The following TYW1B variants were observed in gnomAD, a reference collection of about 807,000 sequenced individuals.
TYW1B encodes the protein S-adenosyl-L-methionine-dependent tRNA 4-demethylwyosine synthase TYW1B.
TYW1B carries 73 observed loss-of-function variants against 86.9 expected under a neutral mutation model. The observed-to-expected ratio is 0.84, with a 90% CI of 0.70 to 1.02. TYW1B has a LOEUF of 1.02. Among genes scored for constraint, TYW1B ranks in the 50% least tolerant of loss-of-function variants. The probability of loss-of-function intolerance (pLI) is 0.00; values close to 1 mark genes in which losing one functional copy is unlikely to be tolerated. For missense variants in TYW1B, 637 were observed against 827.4 expected (o/e 0.77, Z 2.82); for synonymous variants, 248 against 292.8 (o/e 0.85, Z 1.56).
At chr7:72,818,152 T>C (rs1788759713) in intron 2 of TYW1B, among the ~76,000 whole-genome samples, 1 of 151,540 alleles carries the variant, frequency 6.6e-6, no homozygotes. Context: ...TATTCCTCCA[T>C]GGGTGGAAGC....
rs868984076 is a variant in TYW1B, at chr7:72,633,954, G to C, written c.1507-4957C>G. Reference sequence around the variant, plus strand: ...ATTCTTTTGTGTCTGGCTTCTTTCAGTGAATTCGATGTTTGCAAGATTCAT... The same window carrying C: ...ATTCTTTTGTGTCTGGCTTCTTTCACTGAATTCGATGTTTGCAAGATTCAT... On this transcript the variant is annotated intron_variant, in intron 11 of 13. Transcript: ENST00000620995. Among the ~76,000 whole-genome samples the C allele has an allele frequency of 5.3e-5, 8 of 151,990 alleles. No individual in the cohort carries two copies. The East Asian group carries it at 9.6e-4, about 18-fold the overall frequency.
At chr7:72,652,592 A>G (rs1246026345) in intron 11 of TYW1B, among the ~76,000 whole-genome samples, 3 of 152,052 alleles carry the variant, frequency 2.0e-5, no homozygotes, top group Non-Finnish European at 4.4e-5. Context: ...AGAAACAGGA[A>G]AAATGCCTTT....
intron 13 of TYW1B, among the ~76,000 whole-genome samples, chr7:72,594,372 T>C (rs1278147410): frequency 2.0e-5 from 3 of 146,912 alleles, no homozygotes; most frequent in Non-Finnish European, 4.5e-5. Context: ...GAGTGTACTA[T>C]AAACAATGGT....
intron 13 of TYW1B, among the ~76,000 whole-genome samples, chr7:72,607,193 G>A (rs1811820229): frequency 6.6e-6 from 1 of 151,996 alleles, no homozygotes; most frequent in South Asian, 2.1e-4. Flanking sequence ...AAGAGTTCAA[G>A]ACCAGCCTGG....
chr7:72,760,008 C>T (rs1787660358), intron 7 of TYW1B, among the ~76,000 whole-genome samples: 1 of 151,694 alleles, frequency 6.6e-6, no homozygotes. Flanking sequence ...CCAGCATATA[C>T]ACACAAAAAA....
At position 72,684,379 on chromosome 7, in the gene TYW1B, A is replaced by G. The variant is rs569763018; in HGVS notation, c.1506+10308T>C. Among the ~76,000 whole-genome samples the G allele has an allele frequency of 7.9e-5, 12 of 152,304 alleles. No homozygotes were observed. In the East Asian group the frequency reaches 2.3e-3, roughly 29 times the overall value. On this transcript the variant is annotated intron_variant, in intron 11 of 13. Coordinates refer to ENST00000620995, the MANE Select transcript of TYW1B (RefSeq NM_001145440.3). ...TATAGAAAAGGAAAGAATGATTTCA[A>G]CTTCTACCCAGAAACCATGCAAGCA...
At position 72,609,928 on chromosome 7, in the gene TYW1B, T is replaced by C. The variant is rs185676444; in HGVS notation, c.1785+6744A>G. On this transcript the variant is annotated intron_variant, in intron 13 of 13. Coordinates refer to ENST00000620995, the MANE Select transcript of TYW1B (RefSeq NM_001145440.3). ...GGTTTCTGTATTATTTCCTCATGGC[T>C]GTGGTTCCCAAGCAGTGGGAACAGA... 2.2e-3 allele frequency among the ~76,000 whole-genome samples: 336 copies of C among 152,302 alleles called. 3 individuals carry two copies. Among genetic ancestry groups the C allele is most frequent in the African/African-American group, 7.5e-3 (310 of 41,566 alleles).
At chr7:72,778,108 C>T (rs192932574) in intron 6 of TYW1B, among the ~76,000 whole-genome samples, 1 of 152,236 alleles carries the variant, frequency 6.6e-6, no homozygotes, top group Admixed American at 6.5e-5. Flanking sequence ...CATAAATCTA[C>T]AATTCACTTA....
intron 6 of TYW1B, among the ~76,000 whole-genome samples, chr7:72,794,202 GA>G (rs1788268413): frequency 6.6e-6 from 1 of 152,160 alleles, no homozygotes; most frequent in Non-Finnish European, 1.5e-5. Context: ...GAGAGCAGGT[GA>G]CAGACTTCAA....
intron 12 of TYW1B, among the ~76,000 whole-genome samples, chr7:72,624,636 C>T (rs554388771): frequency 6.6e-6 from 1 of 152,306 alleles, no homozygotes; most frequent in Non-Finnish European, 1.5e-5. Flanking sequence ...CTCCAGTGAC[C>T]AGGCATTTGA....
intron 3 of TYW1B, among the ~76,000 whole-genome samples, chr7:72,813,576 C>T (rs1554478808): frequency 6.6e-6 from 1 of 152,212 alleles, no homozygotes; most frequent in Non-Finnish European, 1.5e-5. Context: ...GCATTTCTAG[C>T]AAGTTCACAG....
chr7:72,703,582 C>T (rs187252600), intron 10 of TYW1B, among the ~76,000 whole-genome samples: 14 of 151,970 alleles, frequency 9.2e-5, no homozygotes, highest in South Asian at 2.1e-4. Context: ...AGACCAGACG[C>T]GGTGGCTCAT....
intron 5 of TYW1B, among the ~76,000 whole-genome samples, chr7:72,804,383 ATAATCAGATGC>A (rs1220734484): frequency 6.6e-6 from 1 of 152,164 alleles, no homozygotes; most frequent in African/African-American, 2.4e-5. Context: ...GAGATGTCAT[ATAATCAGATGC>A]TGCTGATCAA....
intron 7 of TYW1B, among the ~76,000 whole-genome samples, chr7:72,761,512 G>C (rs1205224097): frequency 6.6e-6 from 1 of 151,730 alleles, no homozygotes; most frequent in Non-Finnish European, 1.5e-5. Flanking sequence ...GATCACTTGA[G>C]GCCAGGAGTT....
intron 11 of TYW1B, among the ~76,000 whole-genome samples, chr7:72,679,928 G>C (rs1239409397): frequency 6.6e-6 from 1 of 152,122 alleles, no homozygotes; most frequent in Admixed American, 6.6e-5. Context: ...CCAGGAGTTC[G>C]AGACCAACCT....
At chr7:72,770,207 G>A (rs4717683) in intron 7 of TYW1B, among the ~76,000 whole-genome samples, 104,391 of 151,380 alleles carry the variant, frequency 0.69, 36,972 homozygotes, top group Non-Finnish European at 0.77. Flanking sequence ...TAGGTGGGCA[G>A]ATCACGAGGT....
intron 11 of TYW1B, among the ~76,000 whole-genome samples, chr7:72,693,979 G>T (rs1814241691): frequency 1.3e-5 from 2 of 150,724 alleles, no homozygotes; most frequent in Non-Finnish European, 3.0e-5. Context: ...TATTTTTTTT[G>T]AGACAGAGTC....
intron 13 of TYW1B, among the ~76,000 whole-genome samples, chr7:72,586,574 TAAAAATACAAA>T (rs1416520890): frequency 1.3e-5 from 2 of 152,018 alleles, no homozygotes; most frequent in African/African-American, 4.8e-5. Flanking sequence ...CCGTCTCTAC[TAAAAATACAAA>T]AATTAGCCAG....
intron 11 of TYW1B, among the ~76,000 whole-genome samples, chr7:72,656,019 A>C (rs1247418093): frequency 6.6e-6 from 1 of 152,208 alleles, no homozygotes; most frequent in Non-Finnish European, 1.5e-5. Context: ...GGAGGCCCAA[A>C]GACTGGCCCG....
Sources: allele counts gnomAD v4.1 joint callset (sites outside exome capture counted in the v4.1 genomes callset), GRCh38; gene constraint gnomAD v4.1.1; transcripts MANE v1.5; gene names NCBI Gene and HGNC (gene_info 2026-07-23, HGNC 2026-07-21).